Variants in UNC13C observed in about 807,000 individuals in gnomAD.
UNC13C encodes protein unc-13 homolog C.
Under a neutral mutation model 245.4 loss-of-function variants are expected in UNC13C, and 174 were observed. The observed-to-expected ratio is 0.71, with a 90% CI of 0.63 to 0.80. The LOEUF (loss-of-function observed/expected upper bound fraction) is 0.80. UNC13C is among the 30% of genes least tolerant of loss of function. UNC13C has a pLI of 0.00. For synonymous variants in UNC13C, 992 were observed against 895.1 expected (o/e 1.11, Z -1.93); for missense variants, 2,829 against 2,602.9 (o/e 1.09, Z -1.89).
intron 17 of UNC13C, among the ~76,000 whole-genome samples, chr15:54,363,209 AG>A (rs2039277050): frequency 1.3e-5 from 2 of 152,178 alleles, no homozygotes; most frequent in African/African-American, 2.4e-5. Context: ...CCTGGGTTCA[AG>A]TGATTCTCTT....
the UNC13C span, among the ~76,000 whole-genome samples, chr15:53,955,313 G>A: frequency 6.7e-6 from 1 of 150,160 alleles, no homozygotes; most frequent in Admixed American, 6.6e-5. Context: ...AAAACTAGGA[G>A]AGAAATCACA....
intron 17 of UNC13C, among the ~76,000 whole-genome samples, chr15:54,338,827 G>A (rs747380736): frequency 9.9e-5 from 15 of 152,060 alleles, no homozygotes; most frequent in Non-Finnish European, 1.8e-4. Flanking sequence ...CTGTTTCTAT[G>A]TCCTTCCCCT....
At chr15:54,595,193 A>T (rs1400677371) in intron 30 of UNC13C, among the ~76,000 whole-genome samples, 1 of 151,998 alleles carries the variant, frequency 6.6e-6, no homozygotes, top group Non-Finnish European at 1.5e-5. Flanking sequence ...ATTATACTCC[A>T]CTGCTTCAAG....
chr15:53,939,018 A>G, the UNC13C span, among the ~76,000 whole-genome samples: 1 of 152,282 alleles, frequency 6.6e-6, no homozygotes, highest in East Asian at 1.9e-4. Context: ...TGGAAGAGAT[A>G]GAGCCAAGAA....
At chr15:54,319,367 TTAAA>T (rs954861989) in intron 13 of UNC13C, among the ~76,000 whole-genome samples, 15 of 152,000 alleles carry the variant, frequency 9.9e-5, no homozygotes, top group South Asian at 4.1e-4. Flanking sequence ...ATATTTTTTG[TTAAA>T]TAAATAATAT....
At chr15:54,433,041 CAAG>C (rs1386356885) in intron 19 of UNC13C, among the ~76,000 whole-genome samples, 7 of 151,712 alleles carry the variant, frequency 4.6e-5, no homozygotes, top group African/African-American at 1.7e-4. Context: ...AAGACTAAAC[CAAG>C]AAGAAGTTGA....
intron 2 of UNC13C, among the ~76,000 whole-genome samples, chr15:54,096,746 G>A (rs1019261863): frequency 5.3e-5 from 8 of 151,980 alleles, no homozygotes; most frequent in South Asian, 4.2e-4. Flanking sequence ...TTAACTATAC[G>A]GTAGACTTCC....
intron 29 of UNC13C, among the ~76,000 whole-genome samples, 157 bp from the exon 30 acceptor site, chr15:54,567,643 G>A (rs1331062578): frequency 1.3e-5 from 2 of 152,146 alleles, no homozygotes; most frequent in African/African-American, 4.8e-5. Context: ...TGAATTAGAC[G>A]TTAATAACTT....
chr15:54,088,201 CTTTT>C (rs59075201), intron 2 of UNC13C, among the ~76,000 whole-genome samples: 1 of 103,926 alleles, frequency 9.6e-6, no homozygotes, highest in Non-Finnish European at 1.9e-5. Flanking sequence ...CTTCCTTTTC[CTTTT>C]TTTTTTTTTT....
intron 19 of UNC13C, among the ~76,000 whole-genome samples, chr15:54,483,184 A>G (rs1440342103): frequency 6.6e-6 from 1 of 151,930 alleles, no homozygotes; most frequent in Non-Finnish European, 1.5e-5. Context: ...TCATCTTACC[A>G]CTTTGCATGC....
chr15:54,479,819 G>A (rs1893003148), intron 19 of UNC13C, among the ~76,000 whole-genome samples: 1 of 151,870 alleles, frequency 6.6e-6, no homozygotes, highest in Admixed American at 6.6e-5. Flanking sequence ...GATTCCTTAA[G>A]CATTTCTTGT....
At chr15:54,503,187 A>G (rs1222598330) in intron 22 of UNC13C, among the ~76,000 whole-genome samples, 1 of 152,184 alleles carries the variant, frequency 6.6e-6, no homozygotes, top group Non-Finnish European at 1.5e-5. Context: ...AACAATATCC[A>G]ATTGTCAGCA....
chr15:54,231,951 G>C (rs2035565257), intron 4 of UNC13C, among the ~76,000 whole-genome samples: 1 of 151,964 alleles, frequency 6.6e-6, no homozygotes, highest in African/African-American at 2.4e-5. Context: ...ACTAGTTTGT[G>C]TTACTTAATC....
intron 7 of UNC13C, among the ~76,000 whole-genome samples, chr15:54,241,817 C>G (rs890545948): frequency 7.9e-5 from 12 of 152,172 alleles, no homozygotes; most frequent in African/African-American, 2.9e-4. Flanking sequence ...CTAATGCCTC[C>G]CTGCCCTCTT....
chr15:54,617,408 G>C (rs1900512398), intron 30 of UNC13C, among the ~76,000 whole-genome samples: 1 of 151,948 alleles, frequency 6.6e-6, no homozygotes, highest in African/African-American at 2.4e-5. Context: ...ATGAGCATCA[G>C]AGCACAGTAT....
intron 28 of UNC13C, among the ~76,000 whole-genome samples, chr15:54,554,529 G>A (rs987063502): frequency 2.0e-5 from 3 of 151,994 alleles, no homozygotes; most frequent in African/African-American, 7.2e-5. Flanking sequence ...CCCCACGTGG[G>A]ACTTTTCTTC....
chr15:54,143,513 G>A (rs963965732), intron 3 of UNC13C, 107 bp from the exon 4 acceptor site: 1 of 760,528 alleles, frequency 1.3e-6, no homozygotes, highest in Non-Finnish European at 2.2e-6. Context: ...TGTCATACTA[G>A]GTGTTACGTG....
chr15:54,592,152 C>T (rs1306548081), intron 30 of UNC13C, among the ~76,000 whole-genome samples: 2 of 152,182 alleles, frequency 1.3e-5, no homozygotes, highest in South Asian at 2.1e-4. Context: ...CCACTGTGGT[C>T]TGAGAGTGCT....
intron 4 of UNC13C, among the ~76,000 whole-genome samples, chr15:54,154,008 A>G (rs1354788964): frequency 6.6e-6 from 1 of 152,028 alleles, no homozygotes; most frequent in East Asian, 1.9e-4. Flanking sequence ...TAATTGAAAT[A>G]CTCATTACCT....
Sources: allele counts gnomAD v4.1 joint callset (sites outside exome capture counted in the v4.1 genomes callset), GRCh38; gene constraint gnomAD v4.1.1; transcripts MANE v1.5; gene names NCBI Gene and HGNC (gene_info 2026-07-23, HGNC 2026-07-21).